SCRG1: variants seen among roughly 807,000 people sequenced by gnomAD.
SCRG1 encodes the protein stimulator of chondrogenesis 1.
In SCRG1, 3 loss-of-function variants were observed where a neutral mutation model predicts 7.7. The ratio of observed to expected loss-of-function variants is 0.39; its 90% CI spans 0.18 to 1.01. SCRG1 has a LOEUF of 1.01. Ranked by LOEUF, SCRG1 falls within the 50% of genes least tolerant of loss-of-function variation. The pLI, the probability that SCRG1 is intolerant of heterozygous loss-of-function variation, is 0.36. For synonymous variants in SCRG1, 46 were observed against 41.2 expected, an observed-to-expected ratio of 1.12 and a Z score of -0.44; for missense variants, 110 against 117.2, an observed-to-expected ratio of 0.94 and a Z score of 0.28.
upstream of SCRG1, among the ~76,000 whole-genome samples, chr4:173,409,039 A>G (rs539789394): frequency 1.1e-3 from 172 of 151,956 alleles, 1 homozygote; most frequent in South Asian, 2.1e-3. Flanking sequence ...AAGAAAATTA[A>G]TGAGTCTAAA....
chr4:173,432,477 G>T, the SCRG1 span, among the ~76,000 whole-genome samples: 35 of 150,956 alleles, frequency 2.3e-4, no homozygotes, highest in African/African-American at 8.3e-4. Flanking sequence ...CCTCCATCCC[G>T]GTCATTCCTT....
chr4:173,401,291 A>G (rs1739755785), upstream of SCRG1, among the ~76,000 whole-genome samples: 5 of 152,252 alleles, frequency 3.3e-5, no homozygotes, highest in Admixed American at 2.6e-4. Flanking sequence ...CTAAATAAAG[A>G]TGATGCCATA....
At chr4:173,482,926 ATATAT>A in the SCRG1 span, among the ~76,000 whole-genome samples, 3 of 137,510 alleles carry the variant, frequency 2.2e-5, no homozygotes, top group African/African-American at 8.1e-5. Context: ...AATACATATA[ATATAT>A]TATATATGAA....
chr4:173,512,902 A>G, the SCRG1 span, among the ~76,000 whole-genome samples: 3 of 152,072 alleles, frequency 2.0e-5, no homozygotes, highest in African/African-American at 4.8e-5. Flanking sequence ...TGCCTTTTTG[A>G]ATTGTAAAGG....
the SCRG1 span, among the ~76,000 whole-genome samples, chr4:173,482,460 T>C: frequency 6.6e-6 from 1 of 152,112 alleles, no homozygotes; most frequent in Non-Finnish European, 1.5e-5. Context: ...AAACATACTG[T>C]CTTTTTTCTT....
intron 1 of SCRG1, among the ~76,000 whole-genome samples, chr4:173,394,930 C>G (rs552684516): frequency 6.6e-6 from 1 of 152,224 alleles, no homozygotes; most frequent in South Asian, 2.1e-4. Context: ...CAATGAGTTT[C>G]ATATTTTCTT....
At chr4:173,476,005 G>A in the SCRG1 span, among the ~76,000 whole-genome samples, 10 of 152,170 alleles carry the variant, frequency 6.6e-5, no homozygotes, top group African/African-American at 2.4e-4. Context: ...GAAGCAGAAG[G>A]TGGTGATGGT....
the SCRG1 span, among the ~76,000 whole-genome samples, chr4:173,449,090 C>T: frequency 1.3e-5 from 2 of 152,188 alleles, no homozygotes; most frequent in East Asian, 3.8e-4. Context: ...TTGGGAACTC[C>T]AATTTCAGTG....
chr4:173,409,569 G>A (rs13114285), upstream of SCRG1, among the ~76,000 whole-genome samples: 3 of 147,706 alleles, frequency 2.0e-5, no homozygotes, highest in Admixed American at 6.9e-5. Flanking sequence ...CTGGATCTGC[G>A]TTGGTAGTTC....
chr4:173,418,619 G>C, the SCRG1 span, among the ~76,000 whole-genome samples: 1 of 152,160 alleles, frequency 6.6e-6, no homozygotes, highest in African/African-American at 2.4e-5. Flanking sequence ...TGTGAAAATG[G>C]ACACTACTTC....
chr4:173,432,932 T>C, the SCRG1 span, among the ~76,000 whole-genome samples: 1 of 152,236 alleles, frequency 6.6e-6, no homozygotes, highest in African/African-American at 2.4e-5. Context: ...TCATGATTTA[T>C]CTGAGGATTA....
the SCRG1 span, among the ~76,000 whole-genome samples, chr4:173,432,542 C>T: frequency 6.6e-6 from 1 of 152,004 alleles, no homozygotes; most frequent in East Asian, 1.9e-4. Context: ...TCTACCCATT[C>T]GCCGGTATCT....
At chr4:173,453,335 A>T in the SCRG1 span, among the ~76,000 whole-genome samples, 1 of 152,228 alleles carries the variant, frequency 6.6e-6, no homozygotes, top group Non-Finnish European at 1.5e-5. Context: ...GAGACATGGA[A>T]ACCTCCGGAC....
At chr4:173,483,582 A>ATTATATAT in the SCRG1 span, among the ~76,000 whole-genome samples, 25 of 83,406 alleles carry the variant, frequency 3.0e-4, no homozygotes, top group East Asian at 1.4e-3. Context: ...TATAATATAT[A>ATTATATAT]TGATATATTA....
intron 1 of SCRG1, chr4:173,398,369 T>A (rs888918023): frequency 1.3e-5 from 2 of 152,216 alleles, no homozygotes; most frequent in Non-Finnish European, 2.9e-5. Flanking sequence ...TCTCCTTCTT[T>A]TCCTGGACAC....
At position 173,391,408 on chromosome 4, in the gene SCRG1, G is replaced by A. The variant is rs534663872; in HGVS notation, c.7C>T (p.Leu3=). Residue 3 remains leucine, a synonymous_variant, in exon 2 of 3, where the codon CTG becomes TTG. Transcript: ENST00000296506. ...CCAATGGTGAAAACAAGTACCATCA[G>A]TTTCATTTTGGCTTTTGGCCCTGAA... The part of the protein sequence containing the change: MK[L]MVLVFTIGLT... 1.2e-6 allele frequency: 2 copies of A among 1,613,932 alleles called. No homozygotes were observed. Among genetic ancestry groups the A allele is most frequent in the Middle Eastern group, 1.6e-4 (1 of 6,084 alleles).
the SCRG1 span, among the ~76,000 whole-genome samples, chr4:173,473,958 T>C: frequency 6.6e-6 from 1 of 152,156 alleles, no homozygotes; most frequent in Non-Finnish European, 1.5e-5. Flanking sequence ...GGTTGGTGGA[T>C]GACCTGAGGT....
chr4:173,400,880 T>C (rs1361414048), upstream of SCRG1, among the ~76,000 whole-genome samples: 1 of 152,120 alleles, frequency 6.6e-6, no homozygotes, highest in Non-Finnish European at 1.5e-5. Context: ...ATAAAGTTCA[T>C]GATACGACTG....
chr4:173,429,697 A>C, the SCRG1 span, among the ~76,000 whole-genome samples: 4 of 152,160 alleles, frequency 2.6e-5, no homozygotes, highest in Non-Finnish European at 5.9e-5. Context: ...TAATTGCACA[A>C]ATTTTCTTTT....
Sources: gnomAD v4.1 joint callset for allele counts (sites outside exome capture counted in the v4.1 genomes callset) on GRCh38, gnomAD v4.1.1 for gene constraint, MANE v1.5 for transcripts, NCBI Gene and HGNC (gene_info 2026-07-23, HGNC 2026-07-21) for gene names.